SGCD: variants seen among roughly 807,000 people sequenced by gnomAD.
SGCD encodes sarcoglycan delta, also known as delta-sarcoglycan.
In SGCD, 18 loss-of-function variants were observed where a neutral mutation model predicts 36.6. That is an observed-to-expected ratio of 0.49 (90% confidence interval 0.34 to 0.73). The LOEUF (loss-of-function observed/expected upper bound fraction) is 0.73, where lower values mean the gene tolerates loss of function less well. Ranked by LOEUF, SGCD falls within the 30% of genes least tolerant of loss-of-function variation. The pLI is 0.01. For synonymous variants in SGCD, 133 were observed against 130.6 expected (o/e 1.02, Z -0.12); for missense variants, 387 against 346.7 (o/e 1.12, Z -0.92).
intron 3 of SGCD, among the ~76,000 whole-genome samples, chr5:156,354,039 T>A (rs989671174): frequency 6.8e-6 from 1 of 147,792 alleles, no homozygotes; most frequent in Non-Finnish European, 1.5e-5. Context: ...GAGTATACTA[T>A]GCTTTGTGTA....
intron 1 of SGCD, among the ~76,000 whole-genome samples, chr5:155,907,378 G>T (rs1756540846): frequency 6.6e-6 from 1 of 152,046 alleles, no homozygotes; most frequent in South Asian, 2.1e-4. Flanking sequence ...TGACTTTCAT[G>T]TCTTATTATT....
At chr5:156,025,551 T>C (rs1759209573) in intron 1 of SGCD, among the ~76,000 whole-genome samples, 1 of 152,192 alleles carries the variant, frequency 6.6e-6, no homozygotes, top group Admixed American at 6.6e-5. Context: ...ATTCATTTGC[T>C]CATAGCACTT....
In SGCD at chr5:156,437,919, A is replaced by C. The variant is rs765024685; in HGVS notation, c.193-70682A>C. On this transcript the variant is annotated intron_variant, in intron 3 of 8. Transcript: ENST00000337851. Reference sequence around the variant, plus strand: ...AGCATTTCAGATCATTTCCAGATACACATTTTCTAGGTTTGATGCAGAGAA... The same window carrying C: ...AGCATTTCAGATCATTTCCAGATACCCATTTTCTAGGTTTGATGCAGAGAA... Among the ~76,000 whole-genome samples, 10 of 152,218 alleles carry C rather than the reference A, an allele frequency of 6.6e-5. 1 individual carries two copies. Among genetic ancestry groups the C allele is most frequent in the Non-Finnish European group, 1.0e-4 (7 of 68,040 alleles).
chr5:155,757,971 T>C, the SGCD span, among the ~76,000 whole-genome samples: 1 of 152,128 alleles, frequency 6.6e-6, no homozygotes, highest in African/African-American at 2.4e-5. Flanking sequence ...ATCCGTGTAA[T>C]AGGTGACTTG....
chr5:156,427,849 G>A (rs1001699773), intron 3 of SGCD, among the ~76,000 whole-genome samples: 13 of 152,072 alleles, frequency 8.5e-5, no homozygotes, highest in African/African-American at 3.1e-4. Context: ...TTATTGACTT[G>A]CATATGCTAA....
At chr5:155,835,454 A>G in the SGCD span, among the ~76,000 whole-genome samples, 2 of 152,202 alleles carry the variant, frequency 1.3e-5, no homozygotes, top group Non-Finnish European at 2.9e-5. Flanking sequence ...GTGTTCCCCC[A>G]GAGAATGGCT....
the SGCD span, among the ~76,000 whole-genome samples, chr5:155,777,354 T>C: frequency 1.0e-5 from 1 of 100,104 alleles, no homozygotes; most frequent in African/African-American, 3.6e-5. Context: ...AATTTGTAGT[T>C]TTTTTGTTTT....
intron 3 of SGCD, among the ~76,000 whole-genome samples, chr5:156,258,333 G>A (rs189680197): frequency 4.7e-4 from 72 of 152,250 alleles, no homozygotes; most frequent in African/African-American, 1.7e-3. Flanking sequence ...CAGAGAACCA[G>A]TATTCTCTAA....
At chr5:156,397,608 C>A (rs760700097) in intron 3 of SGCD, among the ~76,000 whole-genome samples, 1 of 152,174 alleles carries the variant, frequency 6.6e-6, no homozygotes, top group Admixed American at 6.5e-5. Context: ...TGACCTGTGG[C>A]ATGCCAGACA....
chr5:156,754,191 G>T (rs1010570845), intron 7 of SGCD, among the ~76,000 whole-genome samples: 2 of 152,188 alleles, frequency 1.3e-5, no homozygotes, highest in Non-Finnish European at 2.9e-5. Context: ...AGAGGCCTAG[G>T]CAGTGGGCAA....
At chr5:156,092,081 A>C (rs1174586449) in intron 1 of SGCD, among the ~76,000 whole-genome samples, 2 of 152,266 alleles carry the variant, frequency 1.3e-5, no homozygotes, top group East Asian at 3.8e-4. Flanking sequence ...CTTTGATGAC[A>C]TCAAATGCCT....
chr5:156,605,125 G>C (rs1257380852), intron 6 of SGCD, among the ~76,000 whole-genome samples: 1 of 151,978 alleles, frequency 6.6e-6, no homozygotes, highest in Non-Finnish European at 1.5e-5. Context: ...ATGTATACAT[G>C]TGCCATGTTG....
At chr5:156,347,441 G>C (rs1227036007) in intron 3 of SGCD, among the ~76,000 whole-genome samples, 4 of 152,184 alleles carry the variant, frequency 2.6e-5, no homozygotes, top group Admixed American at 2.6e-4. Context: ...TTAAAAGATG[G>C]AATTGATATA....
intron 5 of SGCD, 40 bp from the exon 6 acceptor site, chr5:156,594,892 C>G (rs551882107): frequency 1.5e-6 from 2 of 1,344,358 alleles, no homozygotes; most frequent in Non-Finnish European, 1.1e-6. Flanking sequence ...TCTCTCTCTC[C>G]TCTCTCCTCT....
At chr5:156,578,043 T>G (rs1760057460) in intron 4 of SGCD, among the ~76,000 whole-genome samples, 1 of 152,210 alleles carries the variant, frequency 6.6e-6, no homozygotes, top group South Asian at 2.1e-4. Flanking sequence ...TGATATTGGC[T>G]GTAGGTTTGT....
At chr5:155,881,295 A>AAAATAAAT (rs6149303) in intron 1 of SGCD, among the ~76,000 whole-genome samples, 17,578 of 145,480 alleles carry the variant, frequency 0.12, 1,417 homozygotes, top group African/African-American at 0.23. Context: ...ACCTCACCAC[A>AAAATAAAT]AAATAAATAA....
chr5:156,399,744 A>T (rs1221151427), intron 3 of SGCD, among the ~76,000 whole-genome samples: 1 of 152,198 alleles, frequency 6.6e-6, no homozygotes, highest in Non-Finnish European at 1.5e-5. Context: ...TGGACTTCAC[A>T]CATAACATTC....
At chr5:156,056,725 C>T (rs1479114112) in intron 1 of SGCD, among the ~76,000 whole-genome samples, 1 of 143,608 alleles carries the variant, frequency 7.0e-6, no homozygotes, top group Admixed American at 7.0e-5. Flanking sequence ...TCCCATTTAG[C>T]CAGCTGAGCG....
chr5:156,108,671 C>G (rs1364906472), intron 1 of SGCD, among the ~76,000 whole-genome samples: 1 of 152,058 alleles, frequency 6.6e-6, no homozygotes, highest in Non-Finnish European at 1.5e-5. Context: ...TCTATCAAGT[C>G]TTACTGGCTT....
Sources: allele counts gnomAD v4.1 joint callset (sites outside exome capture counted in the v4.1 genomes callset), GRCh38; gene constraint gnomAD v4.1.1; transcripts MANE v1.5; gene names NCBI Gene and HGNC (gene_info 2026-07-23, HGNC 2026-07-21).